NCKAP5: variants seen among roughly 807,000 people sequenced by gnomAD.
NCKAP5 encodes nck-associated protein 5.
Under a neutral mutation model 167.0 loss-of-function variants are expected in NCKAP5, and 92 were observed. The ratio of observed to expected loss-of-function variants is 0.55; its 90% CI spans 0.47 to 0.66. NCKAP5 has a LOEUF of 0.66. Among genes scored for constraint, NCKAP5 ranks in the 30% least tolerant of loss-of-function variants. The pLI is 0.00. For missense variants in NCKAP5, 2,378 were observed against 2,315.0 expected, an observed-to-expected ratio of 1.03 and a Z score of -0.56; for synonymous variants, 891 against 877.4, an observed-to-expected ratio of 1.02 and a Z score of -0.27.
chr2:133,624,466 C>T, the NCKAP5 span, among the ~76,000 whole-genome samples: 2 of 151,946 alleles, frequency 1.3e-5, no homozygotes, highest in Admixed American at 6.6e-5. Flanking sequence ...GAGCTGCAGG[C>T]TCTTAGAGTA....
intron 11 of NCKAP5, among the ~76,000 whole-genome samples, chr2:132,803,681 T>C (rs1685209947): frequency 6.6e-6 from 1 of 152,174 alleles, no homozygotes; most frequent in Non-Finnish European, 1.5e-5. Flanking sequence ...CACCAGTGGG[T>C]AGATGGATGA....
intron 15 of NCKAP5, among the ~76,000 whole-genome samples, chr2:132,777,468 A>G (rs901610140): frequency 4.6e-5 from 7 of 152,206 alleles, no homozygotes; most frequent in African/African-American, 1.7e-4. Context: ...AGTTCTATAT[A>G]TATTTCTTCC....
chr2:132,845,283 A>G (rs1330537864), intron 11 of NCKAP5, among the ~76,000 whole-genome samples: 4 of 152,124 alleles, frequency 2.6e-5, no homozygotes, highest in Admixed American at 6.5e-5. Context: ...TATTTGATCA[A>G]CCAAAATTTT....
At chr2:132,821,795 C>T (rs986500298) in intron 11 of NCKAP5, among the ~76,000 whole-genome samples, 1 of 152,106 alleles carries the variant, frequency 6.6e-6, no homozygotes, top group Non-Finnish European at 1.5e-5. Context: ...AGACAGCCAA[C>T]ATCCCCTCTG....
intron 5 of NCKAP5, among the ~76,000 whole-genome samples, chr2:133,176,908 GCAAATA>G (rs1289382274): frequency 3.3e-5 from 5 of 152,064 alleles, no homozygotes; most frequent in African/African-American, 1.2e-4. Context: ...TGCTAGAAAA[GCAAATA>G]CATTTAATTC....
chr2:133,436,157 CTG>C (rs1478421169), intron 3 of NCKAP5, among the ~76,000 whole-genome samples: 2 of 152,212 alleles, frequency 1.3e-5, no homozygotes, highest in Non-Finnish European at 2.9e-5. Context: ...CTTCTCCAAA[CTG>C]TCATCCTCTC....
At chr2:133,202,048 A>G (rs1417631839) in intron 5 of NCKAP5, among the ~76,000 whole-genome samples, 1 of 152,184 alleles carries the variant, frequency 6.6e-6, no homozygotes. Context: ...TAAAGTTCAT[A>G]TGGAACCAAA....
At chr2:133,484,369 C>T (rs977244229) in intron 3 of NCKAP5, among the ~76,000 whole-genome samples, 57 of 152,202 alleles carry the variant, frequency 3.7e-4, no homozygotes, top group African/African-American at 1.2e-3. Flanking sequence ...TTCAAGATCC[C>T]GATAGTGAGT....
At chr2:132,814,568 A>C (rs1468028420) in intron 11 of NCKAP5, among the ~76,000 whole-genome samples, 1 of 152,160 alleles carries the variant, frequency 6.6e-6, no homozygotes, top group Non-Finnish European at 1.5e-5. Context: ...TAGTTTGTTA[A>C]ATATATTCTA....
intron 11 of NCKAP5, among the ~76,000 whole-genome samples, chr2:132,843,603 T>TA (rs989335237): frequency 6.6e-5 from 10 of 151,906 alleles, no homozygotes; most frequent in Admixed American, 3.3e-4. Context: ...TTTTTTTTAA[T>TA]AAAAAAACTC....
At chr2:133,093,703 G>A (rs1342311661) in intron 6 of NCKAP5, among the ~76,000 whole-genome samples, 4 of 152,148 alleles carry the variant, frequency 2.6e-5, no homozygotes, top group Admixed American at 2.0e-4. Context: ...GAGTGGACAG[G>A]ACACATACCA....
intron 15 of NCKAP5, among the ~76,000 whole-genome samples, chr2:132,775,863 A>G (rs560776647): frequency 5.3e-5 from 8 of 152,352 alleles, no homozygotes; most frequent in Admixed American, 1.3e-4. Flanking sequence ...TTAATGTAAA[A>G]TAGTATTTCC....
At position 133,046,994 on chromosome 2, in the gene NCKAP5, CA is replaced by C. The variant is rs1329393365; in HGVS notation, c.342-52756del. 1.7e-4 allele frequency among the ~76,000 whole-genome samples: 26 copies of C among 152,236 alleles called. No homozygotes were observed. The South Asian group carries it at 3.7e-3, about 22-fold the overall frequency. Reference sequence around the variant, plus strand: ...GGTTGGCTTATCAAAACAATGCATACAAAAAATATTTCAGAGTGATTTGCCC... The same window carrying C: ...GGTTGGCTTATCAAAACAATGCATACAAAAATATTTCAGAGTGATTTGCCC... On this transcript the variant is annotated intron_variant, in intron 6 of 19. Coordinates refer to ENST00000409261, the MANE Select transcript of NCKAP5 (RefSeq NM_207363.3).
intron 11 of NCKAP5, among the ~76,000 whole-genome samples, chr2:132,798,832 C>G (rs1047925433): frequency 6.6e-6 from 1 of 152,136 alleles, no homozygotes; most frequent in African/African-American, 2.4e-5. Flanking sequence ...TCTCAAATCC[C>G]TCATCTGCAA....
intron 8 of NCKAP5, among the ~76,000 whole-genome samples, chr2:132,895,816 CAA>C (rs59012786): frequency 0.22 from 22,760 of 105,182 alleles, 2,127 homozygotes; most frequent in East Asian, 0.47. Flanking sequence ...GAGAAGGACT[CAA>C]AAAAAAAAAA....
At chr2:133,270,140 C>G (rs528235049) in intron 4 of NCKAP5, among the ~76,000 whole-genome samples, 15 of 152,092 alleles carry the variant, frequency 9.9e-5, no homozygotes, top group African/African-American at 3.4e-4. Flanking sequence ...AAGTGCCATA[C>G]AAATGTTTAT....
At position 133,228,995 on chromosome 2, in the gene NCKAP5, CT is replaced by C. The variant is rs570614943; in HGVS notation, c.144-15217del. ...AACCTAATAACAGACAGCCTAGAAT[CT>C]TAAGAGAGGTGAAATGAATGGAACC... On this transcript the variant is annotated intron_variant, in intron 4 of 19. Transcript: ENST00000409261. Among the ~76,000 whole-genome samples, 33 of 152,182 alleles carry C rather than the reference CT, an allele frequency of 2.2e-4. No homozygotes were observed. In the South Asian group the frequency reaches 6.0e-3, roughly 28 times the overall value.
the NCKAP5 span, among the ~76,000 whole-genome samples, chr2:133,601,124 C>T: frequency 6.6e-6 from 1 of 152,220 alleles, no homozygotes; most frequent in African/African-American, 2.4e-5. Context: ...CAGCCTCAGC[C>T]TCCCAGGGGA....
chr2:132,837,825 G>A (rs1366547948), intron 11 of NCKAP5, among the ~76,000 whole-genome samples: 1 of 152,118 alleles, frequency 6.6e-6, no homozygotes, highest in Non-Finnish European at 1.5e-5. Context: ...CTTCCCACTG[G>A]GGAGACCTCC....
Sources: gnomAD v4.1 joint callset for allele counts (sites outside exome capture counted in the v4.1 genomes callset) on GRCh38, gnomAD v4.1.1 for gene constraint, MANE v1.5 for transcripts, NCBI Gene and HGNC (gene_info 2026-07-23, HGNC 2026-07-21) for gene names.